Variants in EML4 observed in about 807,000 individuals in gnomAD.
The protein encoded by EML4 is echinoderm microtubule-associated protein-like 4.
A neutral mutation model predicts 129.0 loss-of-function variants in EML4; 72 were observed. That is an observed-to-expected ratio of 0.56 (90% confidence interval 0.46 to 0.68). The LOEUF (loss-of-function observed/expected upper bound fraction) is 0.68. Ranked by LOEUF, EML4 falls within the 30% of genes least tolerant of loss-of-function variation. The pLI is 0.00. For missense variants in EML4, 1,363 were observed against 1,190.6 expected (o/e 1.14, Z -2.13); for synonymous variants, 532 against 405.0 (o/e 1.31, Z -3.77).
intron 3 of EML4, among the ~76,000 whole-genome samples, chr2:42,260,212 G>A (rs947609266): frequency 1.2e-4 from 18 of 152,016 alleles, no homozygotes; most frequent in African/African-American, 4.4e-4. Flanking sequence ...CTGTCATCCA[G>A]GCTGGAGTGC....
chr2:42,204,912 A>G (rs1672451237), intron 1 of EML4, among the ~76,000 whole-genome samples: 1 of 152,208 alleles, frequency 6.6e-6, no homozygotes, highest in Non-Finnish European at 1.5e-5. Context: ...ATATTCATGA[A>G]TGCTAAGATT....
chr2:42,226,656 CAAAAT>C lies in EML4; in HGVS notation c.26-18825_26-18821del, dbSNP rs377423351. 3.6e-3 allele frequency among the ~76,000 whole-genome samples: 543 copies of C among 150,032 alleles called. 3 individuals carry two copies. The highest frequency in any genetic ancestry group is 8.2e-3 in the Admixed American group (124 of 15,074). Reference sequence around the variant, plus strand: ...TGGGCAACAGAGTAAGACTCTGTCTCAAAATAAAATAAAATAAAATAAAATAAATA... The same window carrying C: ...TGGGCAACAGAGTAAGACTCTGTCTCAAAATAAAATAAAATAAAATAAATA... On this transcript the variant is annotated intron_variant, in intron 1 of 22. Transcript: ENST00000318522.
In EML4 at chr2:42,286,355, A is replaced by T; in HGVS notation, c.1098A>T (p.Val366=). ...GACTTGGCACTTTTGAGCGTGGAGT[A>T]GGATGCCTGGATTTTTCAAAAGCAG... ...IIGLGTFERG[V]GCLDFSKADS... is the part of the protein sequence containing the mutation. The change falls in exon 10 of 23, where the codon GTA becomes GTT. Residue 366 remains valine, a synonymous_variant. Coordinates refer to ENST00000318522, the MANE Select transcript of EML4 (RefSeq NM_019063.5). 6.2e-7 allele frequency: 1 copy of T among 1,612,042 alleles called. No individual in the cohort carries two copies. Among genetic ancestry groups the T allele is most frequent in the Non-Finnish European group, 8.5e-7 (1 of 1,178,108 alleles).
At chr2:42,234,535 G>A (rs536154059) in intron 1 of EML4, among the ~76,000 whole-genome samples, 3 of 152,210 alleles carry the variant, frequency 2.0e-5, no homozygotes, top group East Asian at 3.9e-4. Context: ...TGAGGACTTG[G>A]GAATGAATCT....
At position 42,286,341 on chromosome 2, in the gene EML4, T is replaced by G. The variant is rs2103633263; in HGVS notation, c.1084T>G (p.Phe362Val). 3 of 1,613,788 alleles carry G rather than the reference T, an allele frequency of 1.9e-6. No individual in the cohort carries two copies. Among genetic ancestry groups the G allele is most frequent in the Non-Finnish European group, 2.5e-6 (3 of 1,179,676 alleles). ...STLQIIGLGT[F>V]ERGVGCLDFS... ...ACTGCAGATTATTGGACTTGGCACT[T>G]TTGAGCGTGGAGTAGGATGCCTGGA... Residue 362 changes from phenylalanine (F) to valine (V), a missense_variant, in exon 10 of 23, where the codon TTT (phenylalanine) becomes GTT (valine). Transcript: ENST00000318522.
chr2:42,329,096 G>A, intron 22 of EML4, 80 bp downstream of exon 22: 1 of 1,420,452 alleles, frequency 7.0e-7, no homozygotes. Flanking sequence ...AGAAAATATA[G>A]GTTACTGATT....
intron 1 of EML4, among the ~76,000 whole-genome samples, chr2:42,240,264 A>T (rs577662948): frequency 3.9e-5 from 6 of 152,184 alleles, no homozygotes; most frequent in Non-Finnish European, 8.8e-5. Flanking sequence ...ATTAATACAC[A>T]TTTTTATTGT....
intron 1 of EML4, among the ~76,000 whole-genome samples, chr2:42,187,668 A>AT (rs74670016): frequency 0.29 from 43,971 of 151,012 alleles, 6,467 homozygotes; most frequent in South Asian, 0.36. Flanking sequence ...TTTGGTGCTC[A>AT]TTTTTTTTAA....
intron 2 of EML4, among the ~76,000 whole-genome samples, chr2:42,254,903 T>A (rs1230963401): frequency 6.6e-6 from 1 of 151,962 alleles, no homozygotes; most frequent in African/African-American, 2.4e-5. Context: ...CATCAACAGA[T>A]GAATGGAAAA....
At chr2:42,171,957 G>A (rs937658625) in intron 1 of EML4, among the ~76,000 whole-genome samples, 1 of 152,114 alleles carries the variant, frequency 6.6e-6, no homozygotes, top group African/African-American at 2.4e-5. Flanking sequence ...GTTCTCTGCA[G>A]TTAATTAGCC....
intron 1 of EML4, among the ~76,000 whole-genome samples, chr2:42,199,123 A>C (rs967748730): frequency 6.6e-6 from 1 of 152,192 alleles, no homozygotes; most frequent in South Asian, 2.1e-4. Flanking sequence ...CTAAAGGGTG[A>C]AGTGTGATGG....
intron 1 of EML4, among the ~76,000 whole-genome samples, chr2:42,236,671 A>G (rs573178223): frequency 6.6e-6 from 1 of 152,188 alleles, no homozygotes; most frequent in Non-Finnish European, 1.5e-5. Flanking sequence ...TTAGGGTAAC[A>G]CAGTGGAATT....
At chr2:42,275,278 A>G (rs1666592922) in intron 6 of EML4, among the ~76,000 whole-genome samples, 1 of 152,196 alleles carries the variant, frequency 6.6e-6, no homozygotes, top group Non-Finnish European at 1.5e-5. Context: ...AGTCTTCAAA[A>G]TCTGGTTTGT....
At chr2:42,237,964 G>A (rs1386826605) in intron 1 of EML4, among the ~76,000 whole-genome samples, 1 of 152,118 alleles carries the variant, frequency 6.6e-6, no homozygotes, top group Non-Finnish European at 1.5e-5. Context: ...AGGAATGATG[G>A]TTATGCCAAA....
intron 19 of EML4, among the ~76,000 whole-genome samples, chr2:42,324,058 G>A (rs2103821478): frequency 6.6e-6 from 1 of 152,294 alleles, no homozygotes; most frequent in East Asian, 1.9e-4. Context: ...ACTTTGGGAG[G>A]CTGAGGTGGG....
At chr2:42,231,501 CTG>C (rs2104199914) in intron 1 of EML4, among the ~76,000 whole-genome samples, 1 of 152,310 alleles carries the variant, frequency 6.6e-6, no homozygotes, top group Admixed American at 6.5e-5. Context: ...ATTCCCCACA[CTG>C]TTTTTTTTCC....
Position 42,301,159 on chromosome 2 carries a change from C to A in EML4, c.1490-82C>A, listed in dbSNP as rs553189426. On this transcript the variant is annotated intron_variant, in intron 13 of 22. Coordinates refer to ENST00000318522, the MANE Select transcript of EML4 (RefSeq NM_019063.5). ...AACTTTCTGATTATTAACTCTAGTT[C>A]TACTGAAGTTTTCTTCCAAATAGAC... 3.1e-4 allele frequency: 370 copies of A among 1,198,434 alleles called. 1 individual carries two copies. The African/African-American group carries it at 5.2e-3, about 17-fold the overall frequency. The allele number at this position is 1,198,434 out of a possible 1,614,324, so 74.2% of individuals were successfully genotyped here.
intron 1 of EML4, among the ~76,000 whole-genome samples, chr2:42,237,761 A>G (rs1233914301): frequency 6.6e-6 from 1 of 152,218 alleles, no homozygotes; most frequent in African/African-American, 2.4e-5. Context: ...GTCATAAGGA[A>G]AATTCATTTA....
chr2:42,254,380 C>T (rs1411197946), intron 2 of EML4, among the ~76,000 whole-genome samples: 1 of 151,470 alleles, frequency 6.6e-6, no homozygotes. Context: ...TGGATTGAGC[C>T]CCGGGAGGCC....
Sources: allele counts gnomAD v4.1 joint callset (sites outside exome capture counted in the v4.1 genomes callset), GRCh38; gene constraint gnomAD v4.1.1; transcripts MANE v1.5; gene names NCBI Gene and HGNC (gene_info 2026-07-23, HGNC 2026-07-21).